AACS: variants seen among roughly 807,000 people sequenced by gnomAD.
AACS encodes acetoacetate-CoA ligase.
In AACS, 69 loss-of-function variants were observed where a neutral mutation model predicts 83.1. The ratio of observed to expected loss-of-function variants is 0.83; its 90% CI spans 0.68 to 1.01. AACS has a LOEUF of 1.01. Ranked by LOEUF, AACS falls within the 50% of genes least tolerant of loss-of-function variation. The pLI, the probability that AACS is intolerant of heterozygous loss-of-function variation, is 0.00. For missense variants in AACS, 866 were observed against 882.2 expected, an observed-to-expected ratio of 0.98 and a Z score of 0.23; for synonymous variants, 333 against 343.4, an observed-to-expected ratio of 0.97 and a Z score of 0.33.
At chr12:125,138,944 G>C (rs1372678090) in intron 17 of AACS, 1 of 108,946 alleles carries the variant, frequency 9.2e-6, no homozygotes, top group Non-Finnish European at 2.2e-5. Context: ...GGACAACTGA[G>C]GTCTCATCTG....
At chr12:125,083,633 C>T (rs1179296872) in intron 3 of AACS, among the ~76,000 whole-genome samples, 1 of 151,778 alleles carries the variant, frequency 6.6e-6, no homozygotes, top group Non-Finnish European at 1.5e-5. Flanking sequence ...TACTACTGAG[C>T]AATAAAAGAA....
intron 3 of AACS, among the ~76,000 whole-genome samples, chr12:125,083,773 C>A (rs769319863): frequency 3.3e-5 from 5 of 152,066 alleles, no homozygotes; most frequent in Non-Finnish European, 5.9e-5. Context: ...CCTGCCTCAG[C>A]CTCCTGAGTA....
chr12:125,111,020 C>T (rs1956943219), intron 8 of AACS, among the ~76,000 whole-genome samples: 1 of 151,892 alleles, frequency 6.6e-6, no homozygotes, highest in Admixed American at 6.6e-5. Flanking sequence ...CAGGTTAATT[C>T]TCAAGAAACC....
intron 4 of AACS, among the ~76,000 whole-genome samples, chr12:125,088,014 T>C (rs1208414750): frequency 6.6e-5 from 10 of 152,208 alleles, no homozygotes; most frequent in Non-Finnish European, 7.3e-5. Context: ...CCACTCTTCC[T>C]GCAGCTGCTT....
rs573323759 is a variant in AACS, at chr12:125,108,780, C to T, written c.915+1512C>T. 1.1e-4 allele frequency among the ~76,000 whole-genome samples: 16 copies of T among 151,180 alleles called. No individual in the cohort carries two copies. The South Asian group carries it at 2.9e-3, about 28-fold the overall frequency. On this transcript the variant is annotated intron_variant, in intron 8 of 17. Transcript: ENST00000316519. ...CCTCCTGGGCTTAAGCAGTCCTCCC[C>T]TCTCAGTCTCCCATGTAGCTGGGAT...
chr12:125,114,669 G>A, intron 9 of AACS, 112 bp downstream of exon 9: 1 of 734,374 alleles, frequency 1.4e-6, no homozygotes. Flanking sequence ...GTGGCACATG[G>A]TAAGGGCTTC....
intron 8 of AACS, among the ~76,000 whole-genome samples, chr12:125,111,570 C>T (rs1315561539): frequency 1.3e-5 from 2 of 152,170 alleles, no homozygotes; most frequent in Non-Finnish European, 2.9e-5. Flanking sequence ...GCATCTTGCT[C>T]GTTCTCTAGA....
rs756256590 is a variant in AACS at position 125,118,643 on chromosome 12, C to A, written c.999C>A (p.Val333=). The change falls in exon 10 of 18, where the codon GTC becomes GTA. Residue 333 remains valine, a splice_region_variant and synonymous_variant. Transcript: ENST00000316519. ...CCGCATCCCTCCTGTCTTTGCAGGT[C>A]GGCTGGATGATGTGGAACTGGATGG... The part of the protein sequence containing the change: ...SSDILLCYTT[V]GWMMWNWMVS... 3 of 1,613,998 alleles carry A rather than the reference C, an allele frequency of 1.9e-6. No homozygotes were observed. Among genetic ancestry groups the A allele is most frequent in the East Asian group, 2.2e-5 (1 of 44,870 alleles).
At chr12:125,118,478 T>A in intron 9 of AACS, 163 bp from the exon 10 acceptor site, 1 of 798,134 alleles carries the variant, frequency 1.3e-6, no homozygotes, top group East Asian at 2.8e-5. Flanking sequence ...CATTCTTAGA[T>A]GTGGAGTTGC....
chr12:125,103,848 T>C (rs12321798), intron 7 of AACS, among the ~76,000 whole-genome samples: 4,509 of 150,888 alleles, frequency 0.03, 239 homozygotes, highest in African/African-American at 0.1. Flanking sequence ...ATTAGCCAGG[T>C]GTGGTGGCGG....
intron 9 of AACS, among the ~76,000 whole-genome samples, 164 bp downstream of exon 9, chr12:125,114,721 T>C (rs1301003499): frequency 1.8e-5 from 2 of 110,406 alleles, no homozygotes; most frequent in Non-Finnish European, 2.2e-5. Flanking sequence ...GGGGCTTCCC[T>C]GGGTGCCAGC....
intron 2 of AACS, among the ~76,000 whole-genome samples, chr12:125,076,141 G>A (rs1171914417): frequency 1.3e-5 from 2 of 152,212 alleles, no homozygotes; most frequent in Non-Finnish European, 2.9e-5. Context: ...GGTGGTCCTG[G>A]AGCTTGCTCT....
intron 5 of AACS, chr12:125,092,658 G>A (rs540411328): frequency 1.3e-5 from 2 of 152,534 alleles, no homozygotes; most frequent in African/African-American, 4.8e-5. Flanking sequence ...CTGCCTTCTG[G>A]AACTTTCCTG....
At chr12:125,131,080 C>T (rs75144252) in intron 14 of AACS, among the ~76,000 whole-genome samples, 3,582 of 152,212 alleles carry the variant, frequency 0.024, 136 homozygotes, top group African/African-American at 0.081. Context: ...GGTTTTTGGA[C>T]GTCGTTACCT....
chr12:125,136,971 T>G, intron 17 of AACS, 107 bp downstream of exon 17: 1 of 1,178,488 alleles, frequency 8.5e-7, no homozygotes, highest in Non-Finnish European at 1.2e-6. Flanking sequence ...ATATATCGTT[T>G]GTCCACGTTG....
In AACS at chr12:125,136,806, G is replaced by T. The variant is rs746208598; in HGVS notation, c.1823G>T (p.Arg608Leu). 4 of 1,614,002 alleles carry T rather than the reference G, an allele frequency of 2.5e-6. No individual in the cohort carries two copies. The highest frequency in any genetic ancestry group is 3.4e-6 in the Non-Finnish European group (4 of 1,180,042). Residue 608 changes from arginine (R) to leucine (L), a missense_variant, in exon 17 of 18, where the codon CGC becomes CTC. Coordinates refer to ENST00000316519, the MANE Select transcript of AACS (RefSeq NM_023928.5). ...GTTAAGAGGATCCGTGACGCCATCC[G>T]CATGGGCTTGTCTGCGCGACACGTG... Reference protein sequence around the residue: ...DLVKRIRDAIRMGLSARHVPS... With the variant: ...DLVKRIRDAILMGLSARHVPS...
chr12:125,067,259 CT>C (rs1398349023), intron 1 of AACS, among the ~76,000 whole-genome samples: 1 of 152,160 alleles, frequency 6.6e-6, no homozygotes, highest in Admixed American at 6.5e-5. Context: ...GCCCCAGGGG[CT>C]TCTGGACAGC....
intron 7 of AACS, chr12:125,105,813 G>C (rs1956821787): frequency 6.6e-6 from 1 of 152,190 alleles, no homozygotes; most frequent in Admixed American, 6.5e-5. Flanking sequence ...TATGTACTGT[G>C]ATTTATGGGC....
intron 5 of AACS, among the ~76,000 whole-genome samples, chr12:125,096,025 C>G (rs945305112): frequency 3.9e-5 from 6 of 152,192 alleles, no homozygotes; most frequent in Non-Finnish European, 7.3e-5. Context: ...AGTGCAGTGG[C>G]GCGATCTCGG....
Sources: gnomAD v4.1 joint callset for allele counts (sites outside exome capture counted in the v4.1 genomes callset) on GRCh38, gnomAD v4.1.1 for gene constraint, MANE v1.5 for transcripts, NCBI Gene and HGNC (gene_info 2026-07-23, HGNC 2026-07-21) for gene names.